Variants in RIMS2 observed in about 807,000 individuals in gnomAD.
RIMS2 encodes regulating synaptic membrane exocytosis protein 2.
A neutral mutation model predicts 174.4 loss-of-function variants in RIMS2; 59 were observed. The observed-to-expected ratio is 0.34, with a 90% CI of 0.27 to 0.42. The LOEUF (loss-of-function observed/expected upper bound fraction) is 0.42. Ranked by LOEUF, RIMS2 falls within the 10% of genes least tolerant of loss-of-function variation. RIMS2 has a pLI of 1.00. For missense variants in RIMS2, 1,620 were observed against 1,666.3 expected, an observed-to-expected ratio of 0.97 and a Z score of 0.48; for synonymous variants, 606 against 572.5, an observed-to-expected ratio of 1.06 and a Z score of -0.84.
chr8:104,167,041 G>C (rs2441877), intron 19 of RIMS2, among the ~76,000 whole-genome samples: 1 of 151,916 alleles, frequency 6.6e-6, no homozygotes, highest in Non-Finnish European at 1.5e-5. Flanking sequence ...ACTTAGATTT[G>C]TTCCATATCT....
intron 19 of RIMS2, among the ~76,000 whole-genome samples, chr8:104,056,009 C>T (rs2096862334): frequency 6.6e-6 from 1 of 152,058 alleles, no homozygotes; most frequent in Non-Finnish European, 1.5e-5. Flanking sequence ...GAATGCAGTA[C>T]CAGGACAAAT....
intron 3 of RIMS2, among the ~76,000 whole-genome samples, chr8:103,849,585 G>A (rs547941143): frequency 8.5e-5 from 13 of 152,048 alleles, no homozygotes; most frequent in African/African-American, 1.9e-4. Flanking sequence ...CTTTGGTATC[G>A]CCATATCAGT....
At chr8:103,727,485 A>G (rs1229002894) in intron 2 of RIMS2, among the ~76,000 whole-genome samples, 1 of 151,510 alleles carries the variant, frequency 6.6e-6, no homozygotes, top group East Asian at 1.9e-4. Context: ...ATGTGATCCC[A>G]TTTGTCCACC....
chr8:104,182,776 C>T (rs1292534316), intron 19 of RIMS2, among the ~76,000 whole-genome samples: 1 of 151,684 alleles, frequency 6.6e-6, no homozygotes, highest in African/African-American at 2.4e-5. Flanking sequence ...TAGACTCTAT[C>T]GGTTTTATAG....
intron 1 of RIMS2, among the ~76,000 whole-genome samples, chr8:103,660,619 A>T (rs1434997745): frequency 2.0e-5 from 3 of 152,040 alleles, no homozygotes; most frequent in African/African-American, 7.3e-5. Flanking sequence ...AAACAAAAAA[A>T]CAAATCTGAT....
In RIMS2 at chr8:104,155,335, T is replaced by A. The variant is rs1023309566; in HGVS notation, c.3335-89581T>A. ...GTTACCCAGGATGGTCTCGATCTCC[T>A]GACCTCGTGATCTGCCCGCCTCGGC... On this transcript the variant is annotated intron_variant, in intron 19 of 23. Coordinates refer to ENST00000504942, the Ensembl canonical transcript of RIMS2. Among the ~76,000 whole-genome samples, 4 of 151,314 alleles carry A rather than the reference T, an allele frequency of 2.6e-5. No individual in the cohort carries two copies. The East Asian group carries it at 7.8e-4, about 30-fold the overall frequency.
At chr8:103,904,676 T>G (rs886639412) in intron 4 of RIMS2, among the ~76,000 whole-genome samples, 1 of 152,086 alleles carries the variant, frequency 6.6e-6, no homozygotes, top group South Asian at 2.1e-4. Flanking sequence ...TACATGTCAC[T>G]GGATTCTCTT....
intron 1 of RIMS2, among the ~76,000 whole-genome samples, chr8:103,669,591 A>G (rs1254435545): frequency 2.0e-5 from 3 of 152,196 alleles, no homozygotes; most frequent in African/African-American, 7.2e-5. Context: ...TTGGATAAAT[A>G]CAGCCATTCC....
At chr8:104,014,118 G>A (rs1351563430) in intron 18 of RIMS2, among the ~76,000 whole-genome samples, 2 of 152,118 alleles carry the variant, frequency 1.3e-5, no homozygotes, top group Non-Finnish European at 2.9e-5. Context: ...ATAAGCCTGA[G>A]TAAAAATCTC....
chr8:103,585,024 A>C (rs2093828921), intron 1 of RIMS2, among the ~76,000 whole-genome samples: 1 of 152,236 alleles, frequency 6.6e-6, no homozygotes, highest in African/African-American at 2.4e-5. Flanking sequence ...ACTGAAAATA[A>C]AGGGATGGAA....
chr8:103,621,327 G>T (rs1231840084), intron 1 of RIMS2, among the ~76,000 whole-genome samples: 2 of 152,206 alleles, frequency 1.3e-5, no homozygotes, highest in Non-Finnish European at 2.9e-5. Flanking sequence ...CCATTGGCTG[G>T]AACGGGACCT....
At chr8:103,777,539 G>A (rs950337674) in intron 3 of RIMS2, among the ~76,000 whole-genome samples, 4 of 151,854 alleles carry the variant, frequency 2.6e-5, no homozygotes, top group Admixed American at 2.6e-4. Context: ...TGGGAATTAA[G>A]ATAACTTATA....
chr8:103,537,114 A>C (rs1472869723), intron 1 of RIMS2, among the ~76,000 whole-genome samples: 2 of 152,198 alleles, frequency 1.3e-5, no homozygotes, highest in Non-Finnish European at 2.9e-5. Flanking sequence ...TCACCCATAA[A>C]ATCATAATAC....
chr8:104,007,301 C>T (rs2154553011), intron 17 of RIMS2, among the ~76,000 whole-genome samples: 1 of 152,264 alleles, frequency 6.6e-6, no homozygotes, highest in Non-Finnish European at 1.5e-5. Flanking sequence ...TAATCTAGCT[C>T]ATTCTCTGCG....
intron 17 of RIMS2, among the ~76,000 whole-genome samples, chr8:104,010,780 T>C (rs2095736687): frequency 6.6e-6 from 1 of 152,294 alleles, no homozygotes; most frequent in Admixed American, 6.5e-5. Context: ...GGGCCCTGGC[T>C]TTTTCAGTGG....
At chr8:104,165,790 TA>T (rs1464305968) in intron 19 of RIMS2, among the ~76,000 whole-genome samples, 1 of 152,176 alleles carries the variant, frequency 6.6e-6, no homozygotes, top group Non-Finnish European at 1.5e-5. Flanking sequence ...AGACTAGCAC[TA>T]AGCACTTAGA....
chr8:104,232,718 A>G (rs950305994), intron 19 of RIMS2, among the ~76,000 whole-genome samples: 5 of 152,216 alleles, frequency 3.3e-5, no homozygotes, highest in African/African-American at 1.2e-4. Flanking sequence ...CCTCATTGGA[A>G]TGAAAGCCTA....
At chr8:104,066,409 T>A (rs2097106036) in intron 19 of RIMS2, among the ~76,000 whole-genome samples, 1 of 152,028 alleles carries the variant, frequency 6.6e-6, no homozygotes, top group Non-Finnish European at 1.5e-5. Context: ...TGTGTGTGTG[T>A]TTAAACTTGT....
At chr8:104,067,778 G>T (rs571427731) in intron 19 of RIMS2, among the ~76,000 whole-genome samples, 2 of 152,232 alleles carry the variant, frequency 1.3e-5, no homozygotes, top group South Asian at 4.1e-4. Flanking sequence ...ATTTTTGAAG[G>T]CCTTCTGAAT....
Sources: allele counts gnomAD v4.1 joint callset (sites outside exome capture counted in the v4.1 genomes callset), GRCh38; gene constraint gnomAD v4.1.1; transcripts MANE v1.5; gene names NCBI Gene and HGNC (gene_info 2026-07-23, HGNC 2026-07-21).